ADAMTSL1: variants seen among roughly 807,000 people sequenced by gnomAD.
ADAMTSL1 encodes ADAMTS like 1, also known as ADAMTS-like protein 1.
In ADAMTSL1, 126 loss-of-function variants were observed where a neutral mutation model predicts 201.8. The observed-to-expected ratio is 0.62, with a 90% CI of 0.54 to 0.72. The LOEUF is 0.72. Among genes scored for constraint, ADAMTSL1 ranks in the 30% least tolerant of loss-of-function variants. The pLI, the probability that ADAMTSL1 is intolerant of heterozygous loss-of-function variation, is 0.00. For synonymous variants in ADAMTSL1, 1,121 were observed against 903.4 expected (o/e 1.24, Z -4.32); for missense variants, 2,679 against 2,277.8 (o/e 1.18, Z -3.59).
intron 4 of ADAMTSL1, among the ~76,000 whole-genome samples, chr9:18,575,391 G>C (rs917252072): frequency 4.6e-5 from 7 of 152,114 alleles, no homozygotes; most frequent in Admixed American, 3.9e-4. Flanking sequence ...TTATATACAA[G>C]AGATATATGA....
At position 18,250,506 on chromosome 9, in the gene ADAMTSL1, C is replaced by G. The variant is rs1290437344; in HGVS notation, c.207+86525C>G. Among the ~76,000 whole-genome samples the G allele has an allele frequency of 2.0e-5, 3 of 152,278 alleles. 1 individual carries two copies. The East Asian group carries it at 5.8e-4, about 29-fold the overall frequency. On this transcript the variant is annotated intron_variant, in intron 2 of 29. Transcript: ENST00000680146. Reference sequence around the variant, plus strand: ...GAATGGAAACAGAAGAAAAGAATGTCCTTTTTCAAGACAGAGCAAAGGCCC... The same window carrying G: ...GAATGGAAACAGAAGAAAAGAATGTGCTTTTTCAAGACAGAGCAAAGGCCC...
chr9:18,070,112 AG>A (rs1226921323), intron 1 of ADAMTSL1, among the ~76,000 whole-genome samples: 23 of 152,222 alleles, frequency 1.5e-4, no homozygotes, highest in African/African-American at 5.5e-4. Context: ...TAATCCAGTG[AG>A]TAAGTGTGGA....
intron 4 of ADAMTSL1, among the ~76,000 whole-genome samples, chr9:18,611,332 A>G (rs1419852867): frequency 6.6e-6 from 1 of 152,148 alleles, no homozygotes; most frequent in Non-Finnish European, 1.5e-5. Context: ...CAGACACCCT[A>G]ATTTTGGAAG....
At chr9:18,616,951 T>C (rs1319299737) in intron 4 of ADAMTSL1, among the ~76,000 whole-genome samples, 5 of 152,210 alleles carry the variant, frequency 3.3e-5, no homozygotes, top group African/African-American at 9.6e-5. Flanking sequence ...GGATAATCCA[T>C]GTAAACCACA....
intron 2 of ADAMTSL1, among the ~76,000 whole-genome samples, chr9:18,305,943 C>T (rs767313917): frequency 1.1e-4 from 16 of 152,130 alleles, no homozygotes; most frequent in African/African-American, 1.4e-4. Context: ...TCAATAGACA[C>T]CTCATACAGG....
chr9:18,095,502 A>G (rs1416289997), intron 1 of ADAMTSL1, among the ~76,000 whole-genome samples: 1 of 141,222 alleles, frequency 7.1e-6, no homozygotes, highest in East Asian at 2.1e-4. Flanking sequence ...GGCTTACTGC[A>G]ACCTCCCCCT....
chr9:18,862,906 T>A (rs529966815), intron 23 of ADAMTSL1, among the ~76,000 whole-genome samples: 96 of 152,344 alleles, frequency 6.3e-4, no homozygotes, highest in African/African-American at 2.3e-3. Flanking sequence ...TTAAAAGGTA[T>A]ATTTTATGCC....
At chr9:18,519,422 T>A (rs1818551897) in intron 2 of ADAMTSL1, among the ~76,000 whole-genome samples, 1 of 152,168 alleles carries the variant, frequency 6.6e-6, no homozygotes, top group Admixed American at 6.5e-5. Context: ...GGGACTCCTA[T>A]CACCCATATA....
At chr9:18,302,991 T>A (rs140059676) in intron 2 of ADAMTSL1, among the ~76,000 whole-genome samples, 8 of 152,324 alleles carry the variant, frequency 5.3e-5, no homozygotes, top group African/African-American at 1.9e-4. Context: ...CAGTTAATAA[T>A]GGTGCTTTAA....
intron 2 of ADAMTSL1, among the ~76,000 whole-genome samples, chr9:18,428,333 AC>A (rs1341590752): frequency 2.6e-5 from 4 of 151,642 alleles, no homozygotes; most frequent in African/African-American, 9.7e-5. Context: ...TCAGTGGCTC[AC>A]ATCTATAAAT....
At chr9:18,686,990 A>G (rs557673386) in intron 13 of ADAMTSL1, among the ~76,000 whole-genome samples, 11 of 152,166 alleles carry the variant, frequency 7.2e-5, no homozygotes, top group Non-Finnish European at 1.2e-4. Context: ...ATTAAAATTT[A>G]CTCTTAGTGT....
chr9:18,455,337 TACAA>T (rs888747300), intron 2 of ADAMTSL1, among the ~76,000 whole-genome samples: 21 of 152,134 alleles, frequency 1.4e-4, no homozygotes, highest in Non-Finnish European at 2.9e-5. Context: ...TTGGAAGAAA[TACAA>T]ACAAAAACCA....
intron 2 of ADAMTSL1, among the ~76,000 whole-genome samples, chr9:18,316,020 C>T (rs1834378316): frequency 1.3e-5 from 2 of 152,268 alleles, no homozygotes; most frequent in South Asian, 4.2e-4. Flanking sequence ...AATTTTAAAG[C>T]TGGGCGTCGG....
intron 1 of ADAMTSL1, among the ~76,000 whole-genome samples, chr9:18,088,295 A>G (rs1214113853): frequency 6.6e-6 from 1 of 152,228 alleles, no homozygotes; most frequent in Non-Finnish European, 1.5e-5. Flanking sequence ...AAAAATCTGT[A>G]GAAGAAAACA....
At chr9:18,890,250 A>G (rs1248026654) in intron 25 of ADAMTSL1, among the ~76,000 whole-genome samples, 1 of 152,188 alleles carries the variant, frequency 6.6e-6, no homozygotes, top group East Asian at 1.9e-4. Context: ...GCGTCTCACT[A>G]AAGTTGGAAT....
At position 18,825,019 on chromosome 9, in the gene ADAMTSL1, C is replaced by T. The variant is rs1824457110; in HGVS notation, c.3935-1265C>T. The stretch of plus-strand genomic sequence containing the variant: ...CCAGGACTTTACACTTTAAGCATGC[C>T]CTGGATACATGCCAGTGAGTTCTAT... On this transcript the variant is annotated intron_variant, in intron 21 of 28. Coordinates refer to ENST00000380548, the MANE Select transcript of ADAMTSL1 (RefSeq NM_001040272.6). 2.0e-5 allele frequency among the ~76,000 whole-genome samples: 3 copies of T among 152,134 alleles called. No individual in the cohort carries two copies. The South Asian group carries it at 6.2e-4, about 32-fold the overall frequency.
At chr9:17,975,391 C>G (rs1818404179) in intron 1 of ADAMTSL1, among the ~76,000 whole-genome samples, 1 of 152,028 alleles carries the variant, frequency 6.6e-6, no homozygotes, top group Non-Finnish European at 1.5e-5. Flanking sequence ...GATTTAATGT[C>G]TGGTGAGAGC....
chr9:18,111,647 G>T (rs539864512), intron 1 of ADAMTSL1, among the ~76,000 whole-genome samples: 122 of 152,228 alleles, frequency 8.0e-4, no homozygotes, highest in African/African-American at 2.9e-3. Flanking sequence ...TAGACTGACC[G>T]CCATAAACAG....
chr9:18,317,696 C>T (rs1456445397), intron 2 of ADAMTSL1, among the ~76,000 whole-genome samples: 3 of 152,224 alleles, frequency 2.0e-5, no homozygotes, highest in African/African-American at 4.8e-5. Flanking sequence ...AGCCTGCTCA[C>T]CCCGAGGTCT....
Sources: gnomAD v4.1 joint callset for allele counts (sites outside exome capture counted in the v4.1 genomes callset) on GRCh38, gnomAD v4.1.1 for gene constraint, MANE v1.5 for transcripts, NCBI Gene and HGNC (gene_info 2026-07-23, HGNC 2026-07-21) for gene names.